The following ARK2N variants were observed in gnomAD, a reference collection of about 807,000 sequenced individuals.
The protein encoded by ARK2N is arkadia (RNF111) N-terminal like PKA signaling regulator 2N.
the ARK2N span, among the ~76,000 whole-genome samples, chr18:46,194,805 A>ACT: frequency 7.9e-6 from 1 of 126,702 alleles, no homozygotes; most frequent in African/African-American, 2.9e-5. Context: ...AATTTAATTA[A>ACT]TTTTTTTTTT....
At chr18:46,177,376 T>G in the ARK2N span, among the ~76,000 whole-genome samples, 1 of 151,478 alleles carries the variant, frequency 6.6e-6, no homozygotes, top group African/African-American at 2.4e-5. Context: ...GGCAACATAG[T>G]GAGAGCCCCT....
the ARK2N span, among the ~76,000 whole-genome samples, chr18:46,236,307 C>T: frequency 6.6e-6 from 1 of 152,172 alleles, no homozygotes; most frequent in Admixed American, 6.5e-5. Context: ...GGCACTGTGC[C>T]CAGCCATTCG....
At chr18:46,259,246 T>TC in the ARK2N span, among the ~76,000 whole-genome samples, 609 of 148,004 alleles carry the variant, frequency 4.1e-3, 5 homozygotes, top group African/African-American at 0.014. Context: ...TTTCTTTCTT[T>TC]TTTTTTTTTT....
chr18:46,217,933 G>A, the ARK2N span: 1 of 152,024 alleles, frequency 6.6e-6, no homozygotes, highest in African/African-American at 2.4e-5. Context: ...AGTTTTACAT[G>A]TATTAATATT....
At chr18:46,198,030 G>C in the ARK2N span, among the ~76,000 whole-genome samples, 1 of 152,008 alleles carries the variant, frequency 6.6e-6, no homozygotes, top group Non-Finnish European at 1.5e-5. Context: ...GGCCAGGTGT[G>C]GTGGCTCACG....
the ARK2N span, among the ~76,000 whole-genome samples, chr18:46,215,249 A>G: frequency 1.3e-5 from 2 of 152,044 alleles, no homozygotes; most frequent in East Asian, 1.9e-4. Context: ...AGCCAGGGCA[A>G]CGGAGGTTGC....
chr18:46,242,948 TTAATA>T, the ARK2N span, among the ~76,000 whole-genome samples: 1 of 152,326 alleles, frequency 6.6e-6, no homozygotes, highest in African/African-American at 2.4e-5. Flanking sequence ...TAGGATATAA[TTAATA>T]TATAGAGAGA....
At chr18:46,224,561 G>A in the ARK2N span, among the ~76,000 whole-genome samples, 1 of 152,072 alleles carries the variant, frequency 6.6e-6, no homozygotes, top group Non-Finnish European at 1.5e-5. Flanking sequence ...AGCTTAAACC[G>A]AAACAAATCT....
chr18:46,212,590 A>G, the ARK2N span, among the ~76,000 whole-genome samples: 1 of 152,116 alleles, frequency 6.6e-6, no homozygotes, highest in African/African-American at 2.4e-5. Flanking sequence ...TTTGTGGTCA[A>G]TACTAGTCTT....
At chr18:46,226,806 CTTTT>C in the ARK2N span, among the ~76,000 whole-genome samples, 1 of 133,984 alleles carries the variant, frequency 7.5e-6, no homozygotes. Flanking sequence ...ACTGGATTTA[CTTTT>C]TTTTTTTTTT....
the ARK2N span, chr18:46,231,824 G>A: frequency 1.3e-5 from 2 of 150,022 alleles, no homozygotes; most frequent in Non-Finnish European, 1.5e-5. Flanking sequence ...GCATGATCTC[G>A]GCTCACTGCA....
the ARK2N span, among the ~76,000 whole-genome samples, chr18:46,234,354 T>A: frequency 6.6e-6 from 1 of 152,032 alleles, no homozygotes; most frequent in African/African-American, 2.4e-5. Context: ...TATGCCACTC[T>A]GCTGGGCTAA....
chr18:46,216,378 C>T, the ARK2N span: 5 of 1,614,052 alleles, frequency 3.1e-6, no homozygotes, highest in Non-Finnish European at 4.2e-6. The surrounding 1 kb of genome is among the most constrained non-coding windows in gnomAD (Gnocchi z 4.3). Context: ...AACAGAATGG[C>T]CGAGTCGCCA....
At chr18:46,242,132 T>G in the ARK2N span, among the ~76,000 whole-genome samples, 2 of 152,130 alleles carry the variant, frequency 1.3e-5, no homozygotes, top group Non-Finnish European at 2.9e-5. Flanking sequence ...ATTAGATGGT[T>G]TATCTTTGTT....
chr18:46,210,016 C>T, the ARK2N span, among the ~76,000 whole-genome samples: 1 of 152,122 alleles, frequency 6.6e-6, no homozygotes, highest in African/African-American at 2.4e-5. Context: ...TCTCAACTTG[C>T]CTTTACCCAT....
the ARK2N span, among the ~76,000 whole-genome samples, chr18:46,209,778 T>C: frequency 2.0e-5 from 3 of 152,074 alleles, no homozygotes; most frequent in East Asian, 5.8e-4. Context: ...GTATTTTTAG[T>C]AGAGATGGGG....
the ARK2N span, chr18:46,228,666 A>G: frequency 0.011 from 4,488 of 395,456 alleles, 39 homozygotes; most frequent in South Asian, 0.029. Context: ...TCTCACTGTA[A>G]CCTCTGCCTC....
chr18:46,188,328 G>A, the ARK2N span, among the ~76,000 whole-genome samples: 6 of 152,102 alleles, frequency 3.9e-5, no homozygotes, highest in Non-Finnish European at 7.4e-5. Context: ...AGCCTCCGGA[G>A]CAGCTGGAAT....
At chr18:46,183,124 T>G in the ARK2N span, among the ~76,000 whole-genome samples, 1 of 152,142 alleles carries the variant, frequency 6.6e-6, no homozygotes, top group African/African-American at 2.4e-5. Context: ...TGATAGTCAG[T>G]GTTCAGATTT....
Sources: gnomAD v4.1 joint callset for allele counts (sites outside exome capture counted in the v4.1 genomes callset) on GRCh38, gnomAD v4.1.1 for gene constraint, Gnocchi (gnomAD v3.1) non-coding constraint, MANE v1.5 for transcripts, NCBI Gene and HGNC (gene_info 2026-07-23, HGNC 2026-07-21) for gene names.